The following RALYL variants were observed in gnomAD, a reference collection of about 807,000 sequenced individuals.
RALYL encodes RALY RNA binding protein like, also known as RNA-binding Raly-like protein.
A neutral mutation model predicts 35.1 loss-of-function variants in RALYL; 29 were observed. The ratio of observed to expected loss-of-function variants is 0.83; its 90% CI spans 0.61 to 1.13. The LOEUF (loss-of-function observed/expected upper bound fraction) is 1.13, where lower values mean the gene tolerates loss of function less well. RALYL is among the 50% of genes most tolerant of loss of function. The pLI, the probability that RALYL is intolerant of heterozygous loss-of-function variation, is 0.00. For synonymous variants in RALYL, 120 were observed against 127.6 expected, an observed-to-expected ratio of 0.94 and a Z score of 0.40; for missense variants, 359 against 360.4, an observed-to-expected ratio of 1.00 and a Z score of 0.03.
chr8:84,840,848 T>C (rs1833117428), intron 4 of RALYL, among the ~76,000 whole-genome samples: 1 of 152,186 alleles, frequency 6.6e-6, no homozygotes, highest in African/African-American at 2.4e-5. Flanking sequence ...CAACTCAGAA[T>C]TTCATATCCA....
intron 2 of RALYL, among the ~76,000 whole-genome samples, chr8:84,608,058 A>G (rs1391982203): frequency 6.6e-6 from 1 of 151,990 alleles, no homozygotes; most frequent in Non-Finnish European, 1.5e-5. Flanking sequence ...TGCGGTCTAG[A>G]AACAGTTTCC....
chr8:84,645,989 A>G (rs984507102), intron 2 of RALYL, among the ~76,000 whole-genome samples: 10 of 152,034 alleles, frequency 6.6e-5, no homozygotes, highest in Non-Finnish European at 1.3e-4. Flanking sequence ...TCCTTAATAC[A>G]TCCTTTCAAG....
At chr8:84,816,656 A>T (rs1827365369) in intron 4 of RALYL, among the ~76,000 whole-genome samples, 2 of 152,170 alleles carry the variant, frequency 1.3e-5, no homozygotes, top group African/African-American at 4.8e-5. Flanking sequence ...TGGTTAATGG[A>T]TACAAAAAAA....
chr8:84,551,795 A>G (rs899860561), intron 2 of RALYL, among the ~76,000 whole-genome samples: 1 of 152,152 alleles, frequency 6.6e-6, no homozygotes, highest in Non-Finnish European at 1.5e-5. Flanking sequence ...GTGCTGAATA[A>G]ATATTCATTG....
At chr8:84,640,358 A>G (rs1826044142) in intron 2 of RALYL, among the ~76,000 whole-genome samples, 1 of 152,050 alleles carries the variant, frequency 6.6e-6, no homozygotes, top group South Asian at 2.1e-4. Flanking sequence ...AAGGCAAAGA[A>G]AAACCTGCAA....
chr8:84,490,329 A>G (rs2055142240), intron 1 of RALYL, among the ~76,000 whole-genome samples: 1 of 152,112 alleles, frequency 6.6e-6, no homozygotes, highest in African/African-American at 2.4e-5. Flanking sequence ...ACATAAAGCA[A>G]GCAAATCCCT....
intron 6 of RALYL, 42 bp downstream of exon 6, chr8:84,862,495 G>T: frequency 6.8e-7 from 1 of 1,460,200 alleles, no homozygotes; most frequent in Non-Finnish European, 9.2e-7. Context: ...AAAGAAGGGA[G>T]TGATTAACTA....
chr8:84,253,176 GTTTTTTTTT>G (rs764942491), intron 1 of RALYL, among the ~76,000 whole-genome samples: 17 of 52,816 alleles, frequency 3.2e-4, no homozygotes, highest in East Asian at 1.3e-3. Flanking sequence ...TAGTTCTGCA[GTTTTTTTTT>G]TTTTTTTTTT....
At chr8:84,226,571 T>C (rs1179531683) in intron 1 of RALYL, among the ~76,000 whole-genome samples, 1 of 151,104 alleles carries the variant, frequency 6.6e-6, no homozygotes, top group East Asian at 2.0e-4. Flanking sequence ...GATTACAGTG[T>C]ATATACATAT....
At chr8:84,609,690 C>T (rs1473200971) in intron 2 of RALYL, among the ~76,000 whole-genome samples, 1 of 152,120 alleles carries the variant, frequency 6.6e-6, no homozygotes, top group Non-Finnish European at 1.5e-5. Context: ...CATACAGTTT[C>T]TTCTATTATT....
At chr8:84,607,601 G>T (rs1817422806) in intron 2 of RALYL, among the ~76,000 whole-genome samples, 1 of 152,052 alleles carries the variant, frequency 6.6e-6, no homozygotes, top group Admixed American at 6.6e-5. Context: ...TTAACCATTA[G>T]GAAACTGCAG....
chr8:84,386,899 A>G (rs1365299936), intron 1 of RALYL, among the ~76,000 whole-genome samples: 1 of 151,692 alleles, frequency 6.6e-6, no homozygotes, highest in Non-Finnish European at 1.5e-5. Flanking sequence ...ACTGACACCT[A>G]TTTGTTGGGC....
intron 1 of RALYL, among the ~76,000 whole-genome samples, chr8:84,496,123 C>T (rs935989149): frequency 2.6e-5 from 4 of 151,820 alleles, no homozygotes; most frequent in Non-Finnish European, 4.4e-5. Context: ...TCATGGTATC[C>T]TAGAGGTTTT....
At chr8:84,638,594 T>G (rs1429888101) in intron 2 of RALYL, among the ~76,000 whole-genome samples, 1 of 151,474 alleles carries the variant, frequency 6.6e-6, no homozygotes, top group Non-Finnish European at 1.5e-5. Flanking sequence ...GAAAGCCAAA[T>G]AAACTCAATT....
rs60104734 is a variant in RALYL at position 84,371,572 on chromosome 8, C to CACACACACAGAAAGAGAGAGAG, written c.-23-157726_-23-157725insCACACACAGAAAGAGAGAGAGA. 6.1e-3 allele frequency among the ~76,000 whole-genome samples: 903 copies of CACACACACAGAAAGAGAGAGAG among 147,406 alleles called. 16 individuals are homozygous for CACACACACAGAAAGAGAGAGAG. The highest frequency in any genetic ancestry group is 0.021 in the African/African-American group (835 of 39,766). On this transcript the variant is annotated intron_variant, in intron 1 of 8. Coordinates refer to ENST00000521268, the MANE Select transcript of RALYL (RefSeq NM_173848.7). ...ACACACACACACACACACACACACA[C>CACACACACAGAAAGAGAGAGAG]AGAAAGAGAGAGAGAGAGAAGGGGG...
At chr8:84,325,694 C>A (rs1845666323) in intron 1 of RALYL, among the ~76,000 whole-genome samples, 1 of 152,178 alleles carries the variant, frequency 6.6e-6, no homozygotes, top group Admixed American at 6.5e-5. Context: ...TTCCACGCTG[C>A]CCAGTTAGTA....
chr8:84,666,274 A>G (rs1053435287), intron 2 of RALYL, among the ~76,000 whole-genome samples: 2 of 152,102 alleles, frequency 1.3e-5, no homozygotes, highest in South Asian at 2.1e-4. Flanking sequence ...TTCTGAGACC[A>G]TAGTGAAGAT....
intron 1 of RALYL, among the ~76,000 whole-genome samples, chr8:84,397,684 C>T (rs1001963441): frequency 1.3e-5 from 2 of 152,166 alleles, no homozygotes; most frequent in African/African-American, 4.8e-5. Context: ...AAGAATAAGA[C>T]ATTTGAACAT....
At chr8:84,650,987 C>T (rs1040544418) in intron 2 of RALYL, among the ~76,000 whole-genome samples, 16 of 151,772 alleles carry the variant, frequency 1.1e-4, no homozygotes, top group African/African-American at 2.4e-4. Flanking sequence ...AACCAAACAC[C>T]GCATATTCTC....
Sources: gnomAD v4.1 joint callset for allele counts (sites outside exome capture counted in the v4.1 genomes callset) on GRCh38, gnomAD v4.1.1 for gene constraint, MANE v1.5 for transcripts, NCBI Gene and HGNC (gene_info 2026-07-23, HGNC 2026-07-21) for gene names.